OR2L13: variants seen among roughly 807,000 people sequenced by gnomAD.
The protein encoded by OR2L13 is olfactory receptor family 2 subfamily L member 13.
A neutral mutation model predicts 15.3 loss-of-function variants in OR2L13; 14 were observed. The observed-to-expected ratio is 0.91, with a 90% CI of 0.60 to 1.43. The LOEUF (loss-of-function observed/expected upper bound fraction) is 1.43, where lower values mean the gene tolerates loss of function less well. Among genes scored for constraint, OR2L13 ranks in the 40% most tolerant of loss-of-function variants. The pLI is 0.00. For missense variants in OR2L13, 367 were observed against 387.9 expected (o/e 0.95, Z 0.45); for synonymous variants, 152 against 142.9 (o/e 1.06, Z -0.45).
chr1:247,999,300 T>C, the OR2L13 span, among the ~76,000 whole-genome samples: 11,768 of 152,186 alleles, frequency 0.077, 547 homozygotes, highest in East Asian at 0.16. Flanking sequence ...ACAAAGGATA[T>C]ACTTTCATAA....
At chr1:247,990,577 C>A in the OR2L13 span, 11 of 1,562,204 alleles carry the variant, frequency 7.0e-6, no homozygotes, top group Admixed American at 1.0e-4. Context: ...TTTCTTCTTC[C>A]TGACTTTAGC....
chr1:248,074,384 TA>T, the OR2L13 span, among the ~76,000 whole-genome samples: 15,588 of 143,812 alleles, frequency 0.11, 1,097 homozygotes, highest in African/African-American at 0.21. Flanking sequence ...TAAAATGTGT[TA>T]AAAAAAAAAA....
the OR2L13 span, among the ~76,000 whole-genome samples, chr1:248,075,818 A>T: frequency 6.6e-6 from 1 of 152,132 alleles, no homozygotes; most frequent in East Asian, 1.9e-4. Context: ...GTTCACTTTG[A>T]TGGTGGTTTA....
the OR2L13 span, among the ~76,000 whole-genome samples, chr1:248,020,104 A>G: frequency 6.6e-6 from 1 of 152,118 alleles, no homozygotes; most frequent in East Asian, 1.9e-4. Flanking sequence ...CTATTGGTAT[A>G]CATGTCTGGC....
the OR2L13 span, chr1:247,991,242 C>A: frequency 1.5e-6 from 2 of 1,354,330 alleles, no homozygotes; most frequent in Non-Finnish European, 2.1e-6. Context: ...GCGCTAGGTT[C>A]ATATCAACTC....
chr1:248,043,708 A>C, the OR2L13 span, among the ~76,000 whole-genome samples: 1 of 152,256 alleles, frequency 6.6e-6, no homozygotes, highest in Admixed American at 6.5e-5. Flanking sequence ...GCAAAGCAAA[A>C]ACAAGTTTAT....
chr1:248,085,944 T>C, the OR2L13 span, among the ~76,000 whole-genome samples: 8 of 152,184 alleles, frequency 5.3e-5, no homozygotes, highest in Non-Finnish European at 1.0e-4. Context: ...TGGGTAATGC[T>C]TGTTCACCTG....
At chr1:248,070,154 C>G in the OR2L13 span, among the ~76,000 whole-genome samples, 1 of 152,176 alleles carries the variant, frequency 6.6e-6, no homozygotes, top group Admixed American at 6.5e-5. Flanking sequence ...CTCTCCACCC[C>G]AAATCAACAG....
chr1:248,093,049 C>T (rs888638230), upstream of OR2L13, among the ~76,000 whole-genome samples: 11 of 151,994 alleles, frequency 7.2e-5, no homozygotes, highest in African/African-American at 1.9e-4. Context: ...TCATTTCATA[C>T]GCTGTCACAG....
chr1:247,949,916 A>C, the OR2L13 span: 2 of 650,262 alleles, frequency 3.1e-6, no homozygotes, highest in Admixed American at 3.4e-5. Context: ...GAAGAAGAAA[A>C]TCACTGATAT....
chr1:247,986,481 C>T, the OR2L13 span, among the ~76,000 whole-genome samples: 12,751 of 151,966 alleles, frequency 0.084, 651 homozygotes, highest in East Asian at 0.16. Flanking sequence ...ATCTCTGTTT[C>T]GGTACCAGTA....
the OR2L13 span, among the ~76,000 whole-genome samples, chr1:248,057,444 A>G: frequency 6.6e-6 from 1 of 152,296 alleles, no homozygotes; most frequent in South Asian, 2.1e-4. Flanking sequence ...TTTGTCAGAA[A>G]CTAGGATTGC....
the OR2L13 span, among the ~76,000 whole-genome samples, chr1:248,072,579 T>C: frequency 1.3e-5 from 2 of 152,104 alleles, no homozygotes; most frequent in Non-Finnish European, 2.9e-5. Context: ...AAGGACTTCA[T>C]GTCTAAAACA....
chr1:247,965,699 G>A, the OR2L13 span: 2 of 1,555,760 alleles, frequency 1.3e-6, no homozygotes, highest in African/African-American at 2.7e-5. Flanking sequence ...TTGGCCCTTG[G>A]TGGAACTGAA....
chr1:248,060,566 C>T, the OR2L13 span: 54 of 784,350 alleles, frequency 6.9e-5, no homozygotes, highest in African/African-American at 8.8e-4. Flanking sequence ...TCAGTGTCAA[C>T]TCCAGTCTCA....
chr1:248,012,929 C>T, the OR2L13 span, among the ~76,000 whole-genome samples: 1 of 151,494 alleles, frequency 6.6e-6, no homozygotes, highest in Admixed American at 6.6e-5. Context: ...ATTTGAGTAC[C>T]TTTAAGGTAC....
At chr1:247,986,798 T>C in the OR2L13 span, among the ~76,000 whole-genome samples, 1 of 152,278 alleles carries the variant, frequency 6.6e-6, no homozygotes, top group Admixed American at 6.5e-5. Flanking sequence ...TGAGCAGTGG[T>C]TTGTTGTTCT....
At chr1:247,943,990 A>T in the OR2L13 span, among the ~76,000 whole-genome samples, 1 of 152,136 alleles carries the variant, frequency 6.6e-6, no homozygotes, top group Admixed American at 6.5e-5. Flanking sequence ...AAAGGTTGCC[A>T]TGTATATGAG....
At chr1:247,996,050 C>T in the OR2L13 span, among the ~76,000 whole-genome samples, 1 of 152,196 alleles carries the variant, frequency 6.6e-6, no homozygotes, top group African/African-American at 2.4e-5. Flanking sequence ...TTAAAAATGC[C>T]ATCCCCAAGC....
Sources: gnomAD v4.1 joint callset for allele counts (sites outside exome capture counted in the v4.1 genomes callset) on GRCh38, gnomAD v4.1.1 for gene constraint, MANE v1.5 for transcripts, NCBI Gene and HGNC (gene_info 2026-07-23, HGNC 2026-07-21) for gene names.